Variants in KLKB1 observed in about 807,000 individuals in gnomAD.
The protein encoded by KLKB1 is plasma kallikrein.
Under a neutral mutation model 73.6 loss-of-function variants are expected in KLKB1, and 58 were observed. The observed-to-expected ratio is 0.79, with a 90% CI of 0.64 to 0.98. The LOEUF (loss-of-function observed/expected upper bound fraction) is 0.98, where lower values mean the gene tolerates loss of function less well. Ranked by LOEUF, KLKB1 falls within the 50% of genes least tolerant of loss-of-function variation. The pLI, the probability that KLKB1 is intolerant of heterozygous loss-of-function variation, is 0.00. For synonymous variants in KLKB1, 280 were observed against 258.1 expected (o/e 1.08, Z -0.81); for missense variants, 737 against 763.8 (o/e 0.96, Z 0.41).
chr4:186,217,466 G>GA (rs1736933101), intron 2 of KLKB1, among the ~76,000 whole-genome samples: 1 of 151,658 alleles, frequency 6.6e-6, no homozygotes, highest in African/African-American at 2.4e-5. Flanking sequence ...CTTCTCACCA[G>GA]AAAATATTTT....
intron 2 of KLKB1, among the ~76,000 whole-genome samples, chr4:186,215,649 C>T (rs2126609999): frequency 6.6e-6 from 1 of 152,238 alleles, no homozygotes; most frequent in Middle Eastern, 3.4e-3. Context: ...TTGTGGCTCA[C>T]TGCAACCTTC....
At chr4:186,239,147 A>T (rs1737869810) in intron 6 of KLKB1, among the ~76,000 whole-genome samples, 3 of 137,762 alleles carry the variant, frequency 2.2e-5, no homozygotes, top group Admixed American at 7.1e-5. Flanking sequence ...TAGTACAGTG[A>T]TACTGTTAGA....
chr4:186,236,256 G>C (rs1244685114), intron 4 of KLKB1, among the ~76,000 whole-genome samples: 5 of 152,188 alleles, frequency 3.3e-5, no homozygotes, highest in Admixed American at 3.3e-4. Flanking sequence ...GAATGGAAGT[G>C]GTTTCATCAT....
intron 6 of KLKB1, among the ~76,000 whole-genome samples, chr4:186,239,731 T>C (rs1467718665): frequency 1.2e-5 from 1 of 86,104 alleles, no homozygotes; most frequent in African/African-American, 5.3e-5. Flanking sequence ...GATATTGTTA[T>C]AGTTATAGGA....
At chr4:186,242,493 AG>A (rs1248008930) in intron 6 of KLKB1, among the ~76,000 whole-genome samples, 9 of 152,082 alleles carry the variant, frequency 5.9e-5, no homozygotes, top group Non-Finnish European at 2.9e-5. Flanking sequence ...ATGAAGCTGA[AG>A]GAATATTTTA....
intron 6 of KLKB1, among the ~76,000 whole-genome samples, chr4:186,242,943 A>G (rs1329954381): frequency 1.5e-5 from 2 of 133,862 alleles, no homozygotes; most frequent in Non-Finnish European, 3.4e-5. Context: ...CGGATTGTAT[A>G]GAGATGGAAA....
upstream of KLKB1, among the ~76,000 whole-genome samples, chr4:186,224,249 G>T (rs1239341429): frequency 1.3e-5 from 2 of 152,244 alleles, no homozygotes; most frequent in Non-Finnish European, 2.9e-5. Flanking sequence ...GAACTGTGGG[G>T]TTGGAGCCCA....
chr4:186,252,617 C>T (rs554108091), intron 11 of KLKB1, among the ~76,000 whole-genome samples: 63 of 129,908 alleles, frequency 4.8e-4, no homozygotes, highest in African/African-American at 1.7e-3. Flanking sequence ...ACCAATCCCG[C>T]CACCCACGAC....
chr4:186,236,498 A>G (rs919534066), intron 4 of KLKB1, among the ~76,000 whole-genome samples: 1 of 152,192 alleles, frequency 6.6e-6, no homozygotes, highest in Admixed American at 6.5e-5. Context: ...GATAATTTCA[A>G]CGTGAAATTT....
At chr4:186,241,643 G>A (rs1398349159) in intron 6 of KLKB1, among the ~76,000 whole-genome samples, 1 of 152,002 alleles carries the variant, frequency 6.6e-6, no homozygotes, top group East Asian at 1.9e-4. Context: ...AATTGAGATG[G>A]TACACATATT....
chr4:186,235,618 A>C (rs2126636009), intron 4 of KLKB1, among the ~76,000 whole-genome samples: 1 of 152,256 alleles, frequency 6.6e-6, no homozygotes, highest in South Asian at 2.1e-4. Context: ...TTTTCCTGAC[A>C]GTTTGTGTAT....
chr4:186,257,150 A>G (rs1480273622), intron 13 of KLKB1, 76 bp from the exon 14 acceptor site: 1 of 772,244 alleles, frequency 1.3e-6, no homozygotes, highest in East Asian at 3.2e-5. Context: ...GAATAATAAT[A>G]TTCCCAATAT....
chr4:186,222,504 G>A (rs1561445050), upstream of KLKB1, among the ~76,000 whole-genome samples: 2 of 151,952 alleles, frequency 1.3e-5, no homozygotes, highest in African/African-American at 4.8e-5. Flanking sequence ...TTTTAATCTG[G>A]TAACAACTTT....
Position 186,250,379 on chromosome 4 carries a change from T to C in KLKB1, c.735T>C (p.Asn245=), listed in dbSNP as rs761461676. The change falls in exon 7 of 15, where the codon AAT becomes AAC. Residue 245 remains asparagine (N), a synonymous_variant. Coordinates refer to ENST00000264690, the MANE Select transcript of KLKB1 (RefSeq NM_000892.5). The part of the protein sequence containing the change: ...PNCLFFTFYT[N]VWKIESQRNV... The stretch of plus-strand genomic sequence containing the variant: ...GCCTCTTCTTTACATTCTATACAAA[T>C]GTATGGAAAATCGAGTCACAAAGGC... 9 of 1,614,012 alleles carry C rather than the reference T, an allele frequency of 5.6e-6. No homozygotes were observed. The highest frequency in any genetic ancestry group is 7.6e-6 in the Non-Finnish European group (9 of 1,180,016).
intron 6 of KLKB1, among the ~76,000 whole-genome samples, chr4:186,248,832 A>G (rs370698231): frequency 6.6e-6 from 1 of 152,096 alleles, no homozygotes; most frequent in East Asian, 1.9e-4. Context: ...AACCTTAACA[A>G]CACTTGTTAT....
intron 5 of KLKB1, 114 bp downstream of exon 5, chr4:186,237,054 C>T: frequency 1.1e-6 from 1 of 915,934 alleles, no homozygotes. Flanking sequence ...TTTATTCTAA[C>T]CACTTTCCTC....
intron 13 of KLKB1, 120 bp downstream of exon 13, chr4:186,256,207 C>CTAT: frequency 1.4e-6 from 1 of 713,992 alleles, no homozygotes; most frequent in Non-Finnish European, 2.5e-6. Context: ...TCTTTCCTAT[C>CTAT]TATTTATTCC....
In KLKB1 at chr4:186,251,281, A is replaced by G; in HGVS notation, c.821A>G (p.Asn274Ser). Residue 274 changes from asparagine to serine, a missense_variant, in exon 8 of 15, where the codon AAC (asparagine) becomes AGC (serine). Asn to Ser is a conservative substitution (Grantham distance 46, BLOSUM62 1). Transcript: ENST00000264690. ...CCAAGTTCCTCTACTCCTCAAGAAA[A>G]CACCATATCTGGATATAGCCTTTTA... Reference protein sequence around the residue: ...GTPSSSTPQENTISGYSLLTC... With the variant: ...GTPSSSTPQESTISGYSLLTC... The G allele has an allele frequency of 1.2e-6, 2 of 1,612,378 alleles. No individual in the cohort carries two copies. Among genetic ancestry groups the G allele is most frequent in the Non-Finnish European group, 1.7e-6 (2 of 1,178,508 alleles).
At chr4:186,234,102 C>G in intron 4 of KLKB1, 44 bp downstream of exon 4, 1 of 1,430,528 alleles carries the variant, frequency 7.0e-7, no homozygotes, top group Non-Finnish European at 9.9e-7. Context: ...AATATTGGAT[C>G]TCGCTTAGAA....
Sources: allele counts gnomAD v4.1 joint callset (sites outside exome capture counted in the v4.1 genomes callset), GRCh38; gene constraint gnomAD v4.1.1; transcripts MANE v1.5; gene names NCBI Gene and HGNC (gene_info 2026-07-23, HGNC 2026-07-21).